RSU1: variants seen among roughly 807,000 people sequenced by gnomAD.
RSU1 encodes the protein Ras suppressor protein 1.
A neutral mutation model predicts 31.1 loss-of-function variants in RSU1; 26 were observed. That is an observed-to-expected ratio of 0.84 (90% CI 0.61 to 1.16). The LOEUF (loss-of-function observed/expected upper bound fraction) is 1.16, where lower values mean the gene tolerates loss of function less well. RSU1 is among the 50% of genes most tolerant of loss of function. The pLI is 0.00. For synonymous variants in RSU1, 164 were observed against 136.3 expected (o/e 1.20, Z -1.41); for missense variants, 320 against 339.1 (o/e 0.94, Z 0.44).
chr10:16,599,365 C>T (rs545573235), intron 8 of RSU1, among the ~76,000 whole-genome samples: 1 of 152,176 alleles, frequency 6.6e-6, no homozygotes, highest in Non-Finnish European at 1.5e-5. Flanking sequence ...CCCTCAAACC[C>T]GGGCACCACT....
In RSU1 at chr10:16,593,205, G is replaced by A; in HGVS notation, c.*189C>T. On this transcript the variant is annotated 3_prime_UTR_variant, in exon 9 of 9. Transcript: ENST00000345264. ...AAGAAACAAATGGAAATGGTTTAAAGACCTTATAACAATCTCCCACCTAGC... is the reference window on the plus strand; with the variant it reads ...AAGAAACAAATGGAAATGGTTTAAAAACCTTATAACAATCTCCCACCTAGC... The A allele has an allele frequency of 9.1e-7, 1 of 1,102,106 alleles. No homozygotes were observed. The highest frequency in any genetic ancestry group is 1.2e-6 in the Non-Finnish European group (1 of 815,904). The allele number at this position is 1,102,106 out of a possible 1,614,324, so 68.3% of individuals were successfully genotyped here. A position where few individuals can be genotyped will look rare whatever the true frequency, so the allele number is the denominator to read the frequency against.
chr10:16,798,833 A>G (rs983663610), intron 2 of RSU1, among the ~76,000 whole-genome samples: 1 of 151,906 alleles, frequency 6.6e-6, no homozygotes, highest in African/African-American at 2.4e-5. Context: ...ACAATGCTTT[A>G]TGCCAGAAGA....
At chr10:16,723,438 G>C (rs918105267) in intron 7 of RSU1, among the ~76,000 whole-genome samples, 4 of 152,094 alleles carry the variant, frequency 2.6e-5, no homozygotes, top group African/African-American at 4.8e-5. Context: ...ATACACACTA[G>C]AACAAAAAGC....
chr10:16,613,970 C>T (rs188055568), intron 8 of RSU1, among the ~76,000 whole-genome samples: 121 of 152,232 alleles, frequency 7.9e-4, no homozygotes, highest in African/African-American at 2.8e-3. Context: ...CAAGGCAAAA[C>T]TACTGGGTCG....
At chr10:16,738,450 C>CA (rs201836209) in intron 7 of RSU1, among the ~76,000 whole-genome samples, 24 of 150,032 alleles carry the variant, frequency 1.6e-4, no homozygotes, top group South Asian at 4.2e-4. Flanking sequence ...GACTCTGTCT[C>CA]AAAAAAAAAG....
At chr10:16,814,810 C>A (rs1486018921) in intron 2 of RSU1, among the ~76,000 whole-genome samples, 1 of 143,740 alleles carries the variant, frequency 7.0e-6, no homozygotes, top group East Asian at 2.1e-4. Context: ...AATGTTATAC[C>A]GGAAATATAT....
chr10:16,785,185 TAA>T (rs1837747754), intron 2 of RSU1, among the ~76,000 whole-genome samples: 1 of 151,996 alleles, frequency 6.6e-6, no homozygotes, highest in East Asian at 1.9e-4. Flanking sequence ...GGCCAGGATA[TAA>T]AGCAGGTAGA....
intron 7 of RSU1, among the ~76,000 whole-genome samples, chr10:16,720,716 C>T (rs918033921): frequency 1.7e-4 from 26 of 152,224 alleles, no homozygotes; most frequent in African/African-American, 6.3e-4. Context: ...CAGACAAACC[C>T]CCATCCAGCT....
At chr10:16,794,910 C>A (rs1837996301) in intron 2 of RSU1, among the ~76,000 whole-genome samples, 1 of 152,134 alleles carries the variant, frequency 6.6e-6, no homozygotes, top group South Asian at 2.1e-4. Flanking sequence ...CCCATGAGAT[C>A]CTGAGAAAAA....
At chr10:16,792,743 C>A (rs781308839) in intron 2 of RSU1, among the ~76,000 whole-genome samples, 2 of 152,198 alleles carry the variant, frequency 1.3e-5, no homozygotes, top group South Asian at 2.1e-4. Context: ...GAGTTCTAGA[C>A]CACAAAGAAT....
intron 3 of RSU1, among the ~76,000 whole-genome samples, chr10:16,771,794 C>A (rs549371773): frequency 1.3e-5 from 2 of 152,160 alleles, no homozygotes; most frequent in Non-Finnish European, 2.9e-5. Flanking sequence ...CAGTGAATTA[C>A]GGTAGTTCCA....
intron 4 of RSU1, among the ~76,000 whole-genome samples, chr10:16,759,728 A>G (rs1837169821): frequency 6.6e-6 from 1 of 152,238 alleles, no homozygotes; most frequent in Non-Finnish European, 1.5e-5. Context: ...CACTTTTTGG[A>G]AAATAACTCT....
chr10:16,724,502 C>G (rs1016132033), intron 7 of RSU1, among the ~76,000 whole-genome samples: 1 of 152,138 alleles, frequency 6.6e-6, no homozygotes, highest in Admixed American at 6.5e-5. Flanking sequence ...TAAAAGACCA[C>G]TGAAATGAGC....
chr10:16,785,970 C>A (rs1588534626), intron 2 of RSU1, among the ~76,000 whole-genome samples: 1 of 152,144 alleles, frequency 6.6e-6, no homozygotes, highest in Non-Finnish European at 1.5e-5. Context: ...AACTTCCCCA[C>A]CCCCCACAAT....
At chr10:16,611,821 G>A (rs191939585) in intron 8 of RSU1, among the ~76,000 whole-genome samples, 1 of 152,352 alleles carries the variant, frequency 6.6e-6, no homozygotes, top group East Asian at 1.9e-4. Flanking sequence ...GAGAGCGAGA[G>A]AGAGTGAGAG....
Position 16,695,158 on chromosome 10 carries a change from G to GT in RSU1, c.599-4_599-3insA, listed in dbSNP as rs377246366. 3.3e-5 allele frequency: 28 copies of GT among 847,728 alleles called. No homozygotes were observed. Among genetic ancestry groups the GT allele is most frequent in the Admixed American group, 3.0e-4 (10 of 32,884 alleles). 52.5% of individuals were successfully genotyped at this position (847,728 alleles called of 1,614,324 possible). On this transcript the variant is annotated splice_polypyrimidine_tract_variant and splice_region_variant and intron_variant, in intron 7 of 8. Coordinates refer to ENST00000345264, the MANE Select transcript of RSU1 (RefSeq NM_012425.4). Reference sequence around the variant, plus strand: ...CTGGCCAGTTAAATCCAAGTTTCCTGGGGGGGGGGAAAAAAAAAGTGAAGG... The same window carrying GT: ...CTGGCCAGTTAAATCCAAGTTTCCTGTGGGGGGGGGAAAAAAAAAGTGAAGG...
chr10:16,722,592 T>C (rs953586597), intron 7 of RSU1, among the ~76,000 whole-genome samples: 5 of 152,140 alleles, frequency 3.3e-5, no homozygotes, highest in Admixed American at 2.0e-4. Context: ...GTTGGGGATA[T>C]GGAGTTAGAA....
At chr10:16,691,361 T>C (rs1336674215) in intron 8 of RSU1, among the ~76,000 whole-genome samples, 1 of 149,720 alleles carries the variant, frequency 6.7e-6, no homozygotes, top group Non-Finnish European at 1.5e-5. Flanking sequence ...TGAAACACAA[T>C]AGCGGCATTT....
chr10:16,715,953 A>T (rs1005784235), intron 7 of RSU1, among the ~76,000 whole-genome samples: 1 of 152,236 alleles, frequency 6.6e-6, no homozygotes, highest in African/African-American at 2.4e-5. Flanking sequence ...ATTTAAATAT[A>T]GGCAAGCATT....
Sources: gnomAD v4.1 joint callset for allele counts (sites outside exome capture counted in the v4.1 genomes callset) on GRCh38, gnomAD v4.1.1 for gene constraint, MANE v1.5 for transcripts, NCBI Gene and HGNC (gene_info 2026-07-23, HGNC 2026-07-21) for gene names.